PPEF2: variants seen among roughly 807,000 people sequenced by gnomAD.
The protein encoded by PPEF2 is protein phosphatase with EF-hand domain 2, also known as serine/threonine-protein phosphatase with EF-hands 2.
A neutral mutation model predicts 84.7 loss-of-function variants in PPEF2; 84 were observed. The observed-to-expected ratio is 0.99, with a 90% CI of 0.83 to 1.19. The LOEUF (loss-of-function observed/expected upper bound fraction) is 1.19, where lower values mean the gene tolerates loss of function less well. PPEF2 is among the 50% of genes most tolerant of loss of function. The probability of loss-of-function intolerance (pLI) is 0.00; values close to 1 mark genes in which losing one functional copy is unlikely to be tolerated. For missense variants in PPEF2, 924 were observed against 937.5 expected, an observed-to-expected ratio of 0.99 and a Z score of 0.19; for synonymous variants, 346 against 345.2, an observed-to-expected ratio of 1.00 and a Z score of -0.03.
intron 7 of PPEF2, among the ~76,000 whole-genome samples, chr4:75,885,870 G>A (rs566132198): frequency 4.3e-4 from 66 of 152,206 alleles, no homozygotes; most frequent in African/African-American, 1.6e-3. Flanking sequence ...TTAGCCGGGC[G>A]TGGTGGTGCA....
Position 75,890,041 on chromosome 4 carries a change from G to A in PPEF2, c.333C>T (p.Pro111=), listed in dbSNP as rs199870938. Residue 111 remains proline, a synonymous_variant, in exon 5 of 17, where the codon CCC becomes CCT. Coordinates refer to ENST00000286719, the MANE Select transcript of PPEF2 (RefSeq NM_006239.3). ...KCSDYESIEV[P]DSYTGPRLSF... ...AGAGGCGTGGCCCCGTGTAACTGTC[G>A]GGTACCTCTATGGATTCATAGTCAC... The A allele has an allele frequency of 3.3e-5, 54 of 1,614,032 alleles. No individual in the cohort carries two copies. The highest frequency in any genetic ancestry group is 2.4e-4 in the South Asian group (22 of 91,066).
intron 14 of PPEF2, 129 bp from the exon 15 acceptor site, chr4:75,866,481 AT>A: frequency 8.3e-7 from 1 of 1,208,456 alleles, no homozygotes; most frequent in Non-Finnish European, 1.2e-6. Flanking sequence ...CACTGTCACT[AT>A]TTTTGTTGAT....
intron 7 of PPEF2, 106 bp from the exon 8 acceptor site, chr4:75,884,866 C>A: frequency 1.0e-6 from 1 of 980,884 alleles, no homozygotes; most frequent in Non-Finnish European, 1.5e-6. Context: ...AACACCAATT[C>A]TGTGCTTTCT....
chr4:75,862,282 G>A, intron 16 of PPEF2, among the ~76,000 whole-genome samples: 1 of 141,162 alleles, frequency 7.1e-6, no homozygotes, highest in Non-Finnish European at 1.5e-5. Flanking sequence ...GACAGAGCGA[G>A]ACTCCATCTC....
intron 13 of PPEF2, among the ~76,000 whole-genome samples, chr4:75,868,288 C>T (rs1485602209): frequency 3.7e-5 from 4 of 106,822 alleles, no homozygotes; most frequent in African/African-American, 1.4e-4. Context: ...TGCACTCCAG[C>T]CTGGGTGAAA....
Position 75,876,350 on chromosome 4 carries a change from T to A in PPEF2, c.1257A>T (p.Ser419=). The part of the protein sequence containing the change: ...VTGEKEEPSR[S]ASEADSEAGE... ...CGGCTTCAGAGTCTGCTTCTGAGGC[T>A]GAGCGGGAGGGCTCCTCTTTCTCTC... The change falls in exon 11 of 17, where the codon TCA becomes TCT. Residue 419 remains serine (S), a synonymous_variant. Coordinates refer to ENST00000286719, the MANE Select transcript of PPEF2 (RefSeq NM_006239.3). 6.2e-7 allele frequency: 1 copy of A among 1,613,986 alleles called. No individual in the cohort carries two copies. The highest frequency in any genetic ancestry group is 1.1e-5 in the South Asian group (1 of 91,068).
At chr4:75,900,356 C>G (rs1725093257) in intron 1 of PPEF2, among the ~76,000 whole-genome samples, 1 of 152,142 alleles carries the variant, frequency 6.6e-6, no homozygotes, top group Admixed American at 6.5e-5. Context: ...TGATATCTAT[C>G]ATGGGCCAAT....
intron 16 of PPEF2, among the ~76,000 whole-genome samples, chr4:75,863,835 G>A (rs747519064): frequency 2.1e-4 from 32 of 150,804 alleles, no homozygotes; most frequent in Non-Finnish European, 3.8e-4. Context: ...GGCTATCTTC[G>A]ATGGTAATAT....
intron 8 of PPEF2, 112 bp downstream of exon 8, chr4:75,884,482 A>C: frequency 7.6e-7 from 1 of 1,316,252 alleles, no homozygotes; most frequent in South Asian, 1.5e-5. Flanking sequence ...CTTTTTAAAA[A>C]AATTGGAAAA....
rs945108662 is a variant in PPEF2 at position 75,873,585 on chromosome 4, T to G, written c.1321-273A>C. Among the ~76,000 whole-genome samples, 5 of 152,282 alleles carry G rather than the reference T, an allele frequency of 3.3e-5. No homozygotes were observed. In the South Asian group the frequency reaches 1.0e-3, roughly 32 times the overall value. On this transcript the variant is annotated intron_variant, in intron 11 of 16. Coordinates refer to ENST00000286719, the MANE Select transcript of PPEF2 (RefSeq NM_006239.3). ...ATAAATCTGATATGAAAGCTCAATA[T>G]GTAAAACAGATGAAGTTGTCCTGCT...
At chr4:75,891,106 G>A (rs1330682572) in intron 4 of PPEF2, among the ~76,000 whole-genome samples, 5 of 151,788 alleles carry the variant, frequency 3.3e-5, no homozygotes, top group African/African-American at 7.3e-5. Flanking sequence ...ACTTGAACCC[G>A]GGAGGTAGAG....
intron 16 of PPEF2, among the ~76,000 whole-genome samples, chr4:75,861,989 A>C (rs1434139530): frequency 6.6e-6 from 1 of 151,690 alleles, no homozygotes; most frequent in African/African-American, 2.4e-5. Flanking sequence ...GGACTTTTTC[A>C]AAATTAAAAA....
intron 1 of PPEF2, among the ~76,000 whole-genome samples, chr4:75,897,453 G>T (rs910898159): frequency 3.9e-5 from 6 of 152,060 alleles, no homozygotes; most frequent in African/African-American, 1.4e-4. Flanking sequence ...TCAGCTCCCT[G>T]CTAAACACTT....
intron 10 of PPEF2, chr4:75,881,958 G>A (rs893690985): frequency 1.3e-5 from 2 of 152,232 alleles, no homozygotes; most frequent in Non-Finnish European, 2.9e-5. Flanking sequence ...CCAGGAAAAT[G>A]TTGTCATGGA....
Position 75,886,906 on chromosome 4 carries a change from A to G in PPEF2, c.533-8T>C, listed in dbSNP as rs750398542. 4 of 1,410,960 alleles carry G rather than the reference A, an allele frequency of 2.8e-6. No homozygotes were observed. In the African/African-American group the frequency reaches 5.8e-5, roughly 20 times the overall value. 87.4% of individuals were successfully genotyped at this position (1,410,960 alleles called of 1,614,324 possible). On this transcript the variant is annotated splice_region_variant and splice_polypyrimidine_tract_variant and intron_variant, in intron 6 of 16. Transcript: ENST00000286719. ...ATTGGCCATGTAAGTCTCCTAACAA[A>G]GATAGAAAAAGAATATCAATTCTGA...
chr4:75,878,905 G>A (rs979664483), intron 10 of PPEF2, among the ~76,000 whole-genome samples: 2 of 152,162 alleles, frequency 1.3e-5, no homozygotes, highest in Admixed American at 6.5e-5. Flanking sequence ...TCAAACTCGT[G>A]TTCTTAATTC....
intron 8 of PPEF2, chr4:75,883,408 C>T (rs1724629570): frequency 1.7e-6 from 1 of 580,938 alleles, no homozygotes; most frequent in Non-Finnish European, 3.0e-6. Context: ...CTTCCTTTTA[C>T]TTATCTGTAT....
chr4:75,867,377 C>T lies in PPEF2; in HGVS notation c.1692G>A (p.Glu564=). The T allele has an allele frequency of 1.2e-6, 2 of 1,614,094 alleles. No individual in the cohort carries two copies. The highest frequency in any genetic ancestry group is 1.7e-6 in the Non-Finnish European group (2 of 1,179,990). ...VEESALRALR[E]KLFAHSSDLL... ...GATCTGAAGAATGAGCAAACAGCTT[C>T]TCCCTCAGAGCTCTCAGAGCCGACT... Residue 564 remains glutamate, a synonymous_variant, in exon 14 of 17, where the codon GAG becomes GAA. Transcript: ENST00000286719.
At chr4:75,880,632 C>G (rs574946625) in intron 10 of PPEF2, among the ~76,000 whole-genome samples, 60 of 152,202 alleles carry the variant, frequency 3.9e-4, no homozygotes, top group African/African-American at 1.4e-3. Flanking sequence ...TGCAGCTGGA[C>G]AGAATGTTTG....
Sources: allele counts gnomAD v4.1 joint callset (sites outside exome capture counted in the v4.1 genomes callset), GRCh38; gene constraint gnomAD v4.1.1; transcripts MANE v1.5; gene names NCBI Gene and HGNC (gene_info 2026-07-23, HGNC 2026-07-21).